The following FREM3 variants were observed in gnomAD, a reference collection of about 807,000 sequenced individuals.
FREM3 encodes the protein FRAS1-related extracellular matrix protein 3.
Under a neutral mutation model 129.1 loss-of-function variants are expected in FREM3, and 105 were observed. That is an observed-to-expected ratio of 0.81 (90% CI 0.69 to 0.96). FREM3 has a LOEUF of 0.96. Ranked by LOEUF, FREM3 falls within the 40% of genes least tolerant of loss-of-function variation. The pLI is 0.00. For missense variants in FREM3, 2,593 were observed against 2,666.3 expected (o/e 0.97, Z 0.61); for synonymous variants, 1,014 against 1,044.9 (o/e 0.97, Z 0.57).
At chr4:143,595,419 T>G (rs913373822) in intron 6 of FREM3, among the ~76,000 whole-genome samples, 1 of 152,238 alleles carries the variant, frequency 6.6e-6, no homozygotes, top group Admixed American at 6.5e-5. Context: ...TATTTTTTAC[T>G]TCAGTTCAAC....
At chr4:143,599,017 T>C (rs1738527373) in intron 6 of FREM3, among the ~76,000 whole-genome samples, 1 of 152,210 alleles carries the variant, frequency 6.6e-6, no homozygotes, top group Non-Finnish European at 1.5e-5. Context: ...GTACTCAGCC[T>C]GGATATGGGA....
In FREM3 at chr4:143,700,313, G is replaced by A; in HGVS notation, c.363C>T (p.Pro121=). ...SPRRFPCTFG[P]RQVQYTHFGS... is the part of the protein sequence containing the mutation. ...CGAAGTGAGTGTACTGGACTTGGCG[G>A]GGCCCGAAGGTGCAGGGGAAGCGGC... Residue 121 remains proline (P), a synonymous_variant, in exon 1 of 8, where the codon CCC becomes CCT. Transcript: ENST00000329798. 1 of 1,535,142 alleles carries A rather than the reference G, an allele frequency of 6.5e-7. No individual in the cohort carries two copies. The highest frequency in any genetic ancestry group is 8.7e-7 in the Non-Finnish European group (1 of 1,145,930).
intron 6 of FREM3, among the ~76,000 whole-genome samples, chr4:143,593,790 A>G (rs1198575955): frequency 6.6e-6 from 1 of 152,136 alleles, no homozygotes; most frequent in Non-Finnish European, 1.5e-5. Context: ...AAGTCTGCAG[A>G]GGTTATTGCT....
rs1740599199 is a variant in FREM3, at chr4:143,697,565, G to A, written c.3111C>T (p.Leu1037=). Residue 1037 remains leucine (L), a synonymous_variant, in exon 1 of 8, where the codon CTC becomes CTT. Transcript: ENST00000329798. The part of the protein sequence containing the change: ...GFQKQHDAFS[L]ILSKDSYQWV... ...ATTGGTAAGAATCTTTGGAGAGGAT[G>A]AGGCTGAAGGCATCGTGCTGCTTTT... is the stretch of plus-strand genomic sequence containing the variant. The A allele has an allele frequency of 6.5e-7, 1 of 1,537,486 alleles. No individual in the cohort carries two copies. The highest frequency in any genetic ancestry group is 1.2e-5 in the South Asian group (1 of 84,062).
chr4:143,667,057 A>G (rs572514816), intron 2 of FREM3, among the ~76,000 whole-genome samples: 1 of 152,154 alleles, frequency 6.6e-6, no homozygotes, highest in Non-Finnish European at 1.5e-5. Flanking sequence ...GTATTTTGAC[A>G]TCTCTGCAAT....
At chr4:143,662,290 C>G (rs1341963983) in intron 2 of FREM3, among the ~76,000 whole-genome samples, 1 of 152,128 alleles carries the variant, frequency 6.6e-6, no homozygotes, top group Non-Finnish European at 1.5e-5. Context: ...TATGTTGTGT[C>G]TTTGTTCTCA....
At chr4:143,675,963 C>T (rs1578864377) in intron 2 of FREM3, among the ~76,000 whole-genome samples, 1 of 152,166 alleles carries the variant, frequency 6.6e-6, no homozygotes, top group South Asian at 2.1e-4. Flanking sequence ...ACCAGAGGTA[C>T]AAGGAGGAGC....
At chr4:143,591,759 C>T (rs978128251) in intron 6 of FREM3, among the ~76,000 whole-genome samples, 1 of 152,180 alleles carries the variant, frequency 6.6e-6, no homozygotes, top group Non-Finnish European at 1.5e-5. Flanking sequence ...ATGAGGTCCA[C>T]TTGGTGCAGA....
At chr4:143,603,637 T>C (rs577421759) in intron 6 of FREM3, among the ~76,000 whole-genome samples, 6 of 152,078 alleles carry the variant, frequency 3.9e-5, no homozygotes, top group Non-Finnish European at 5.9e-5. Flanking sequence ...ATTATCTATA[T>C]GAGAAAGAAA....
intron 2 of FREM3, among the ~76,000 whole-genome samples, chr4:143,636,561 G>A (rs1578844932): frequency 6.6e-6 from 1 of 152,082 alleles, no homozygotes; most frequent in East Asian, 1.9e-4. Context: ...AAAATGTGAA[G>A]AGCATAATGG....
intron 2 of FREM3, among the ~76,000 whole-genome samples, chr4:143,661,424 T>C (rs1228234777): frequency 3.3e-5 from 5 of 152,034 alleles, no homozygotes. Flanking sequence ...CAGCCTTGCA[T>C]CCCAGGGATG....
At chr4:143,622,744 G>A (rs1162343509) in intron 4 of FREM3, among the ~76,000 whole-genome samples, 1 of 152,172 alleles carries the variant, frequency 6.6e-6, no homozygotes, top group East Asian at 1.9e-4. Context: ...AAGTTATTCA[G>A]TCATGCCCTC....
At chr4:143,676,930 A>G (rs1445892753) in intron 2 of FREM3, among the ~76,000 whole-genome samples, 6 of 152,294 alleles carry the variant, frequency 3.9e-5, no homozygotes, top group Non-Finnish European at 7.4e-5. Context: ...ATGGTCATGA[A>G]TAGGAAGAAT....
chr4:143,618,586 T>C (rs1578836882), intron 5 of FREM3, among the ~76,000 whole-genome samples: 1 of 152,070 alleles, frequency 6.6e-6, no homozygotes, highest in Non-Finnish European at 1.5e-5. Context: ...AGCTTACTTA[T>C]GGCTTATGGT....
At chr4:143,620,754 C>G (rs547892392) in intron 5 of FREM3, among the ~76,000 whole-genome samples, 52 of 152,312 alleles carry the variant, frequency 3.4e-4, no homozygotes, top group African/African-American at 1.2e-3. Flanking sequence ...TTGACTTTCA[C>G]AAATGTCTCA....
intron 2 of FREM3, among the ~76,000 whole-genome samples, chr4:143,687,224 A>G (rs1740386625): frequency 6.6e-6 from 1 of 152,134 alleles, no homozygotes; most frequent in Non-Finnish European, 1.5e-5. Flanking sequence ...GAACACCTTT[A>G]CTCACGTAAC....
intron 2 of FREM3, among the ~76,000 whole-genome samples, chr4:143,670,920 GGAGA>G (rs1739953893): frequency 1.3e-5 from 2 of 151,942 alleles, no homozygotes; most frequent in African/African-American, 4.8e-5. Flanking sequence ...TCATTTTTAT[GGAGA>G]GAAACATGAA....
chr4:143,699,075 AG>A lies in FREM3; in HGVS notation c.1600del (p.Leu534SerfsTer34). ...GHHQVDFLFP[L>X]TILPVDDEPP... ...TTCATCATCCACAGGTAGGATGGTG[AG>A]GGGAAAGAGGAAGTCCACTTGGTGG... On this transcript the variant is annotated frameshift_variant, in exon 1 of 8. Coordinates refer to ENST00000329798, the MANE Select transcript of FREM3 (RefSeq NM_001168235.2). LOFTEE classifies it high-confidence loss of function. This position sits in a 1 kb window ranked among gnomAD's most constrained non-coding sequence, Gnocchi z 4.2. 6.5e-7 allele frequency: 1 copy of A among 1,537,460 alleles called. No individual in the cohort carries two copies. Among genetic ancestry groups the A allele is most frequent in the South Asian group, 1.2e-5 (1 of 84,046 alleles).
chr4:143,695,899 C>G lies in FREM3; in HGVS notation c.4777G>C (p.Val1593Leu). ...AGGTCTTGCTTGGTGAAAGTGGTCA[C>G]GGGACGGCTACCATTGTACAAAATC... ...GKILYNGSRP[V>L]TTFTKQDLNK... The change falls in exon 1 of 8, where the codon GTG (valine) becomes CTG (leucine). Residue 1593 changes from valine to leucine, a missense_variant. Transcript: ENST00000329798. 6.5e-7 allele frequency: 1 copy of G among 1,537,612 alleles called. No individual in the cohort carries two copies. Among genetic ancestry groups the G allele is most frequent in the Non-Finnish European group, 8.7e-7 (1 of 1,146,990 alleles).
Sources: allele counts gnomAD v4.1 joint callset (sites outside exome capture counted in the v4.1 genomes callset), GRCh38; gene constraint gnomAD v4.1.1; non-coding constraint Gnocchi (gnomAD v3.1); transcripts MANE v1.5; gene names NCBI Gene and HGNC (gene_info 2026-07-23, HGNC 2026-07-21).